The following NAV1 variants were observed in gnomAD, a reference collection of about 807,000 sequenced individuals.
NAV1 encodes pore membrane and/or filament interacting like protein 3.
In NAV1, 18 loss-of-function variants were observed where a neutral mutation model predicts 175.2. The ratio of observed to expected loss-of-function variants is 0.10; its 90% CI spans 0.07 to 0.15. NAV1 has a LOEUF of 0.15. NAV1 is among the 10% of genes least tolerant of loss of function. The pLI is 1.00. For missense variants in NAV1, 1,731 were observed against 2,436.6 expected (o/e 0.71, Z 6.10); for synonymous variants, 897 against 978.7 (o/e 0.92, Z 1.56).
At chr1:201,773,175 G>T (rs1453474028) in intron 3 of NAV1, among the ~76,000 whole-genome samples, 2 of 152,054 alleles carry the variant, frequency 1.3e-5, no homozygotes, top group Non-Finnish European at 2.9e-5. Flanking sequence ...CTACATTAAT[G>T]ATGGCTCATG....
chr1:201,765,185 G>C (rs1473973409), intron 3 of NAV1, among the ~76,000 whole-genome samples: 1 of 152,206 alleles, frequency 6.6e-6, no homozygotes, highest in East Asian at 1.9e-4. Context: ...TCTTGGAGGT[G>C]CCATGTCCCT....
intron 2 of NAV1, among the ~76,000 whole-genome samples, chr1:201,599,195 T>A (rs924930143): frequency 2.0e-5 from 3 of 152,226 alleles, no homozygotes; most frequent in Non-Finnish European, 4.4e-5. Context: ...GGTCACACTC[T>A]CTTTGGATCA....
rs60728080 is a variant in NAV1, at chr1:201,549,461, A to G, written c.-144+10119A>G. Among the ~76,000 whole-genome samples the G allele has an allele frequency of 3.3e-3, 505 of 152,258 alleles. 28 individuals are homozygous for G. In the East Asian group the frequency reaches 0.085, roughly 26 times the overall value. ...TAGGTTCAAGCGATCCACCTGCTTC[A>G]AACTCCCAAAGTTCTGGGATTACAG... On this transcript the variant is annotated intron_variant, in intron 1 of 33. Transcript: ENST00000685211.
chr1:201,641,966 TTCTC>T (rs768012005), intron 2 of NAV1, among the ~76,000 whole-genome samples: 22 of 150,054 alleles, frequency 1.5e-4, no homozygotes, highest in South Asian at 6.5e-4. Flanking sequence ...CTTCCTTCCT[TTCTC>T]TCTCTCTCTT....
At chr1:201,729,102 G>C (rs1672736432) in intron 3 of NAV1, among the ~76,000 whole-genome samples, 1 of 152,180 alleles carries the variant, frequency 6.6e-6, no homozygotes, top group African/African-American at 2.4e-5. Flanking sequence ...CTGTCTACCT[G>C]TCCACTGTCT....
At chr1:201,763,032 G>T (rs1427473504) in intron 3 of NAV1, among the ~76,000 whole-genome samples, 1 of 152,072 alleles carries the variant, frequency 6.6e-6, no homozygotes, top group Non-Finnish European at 1.5e-5. Context: ...ACTATTCTTA[G>T]AGCCTCCTTC....
chr1:201,583,148 C>G (rs1246020250), intron 1 of NAV1, among the ~76,000 whole-genome samples: 1 of 152,268 alleles, frequency 6.6e-6, no homozygotes, highest in Non-Finnish European at 1.5e-5. Context: ...TGGGGCTTGG[C>G]CCATTTGGTG....
intron 1 of NAV1, among the ~76,000 whole-genome samples, chr1:201,543,672 T>C (rs1665583112): frequency 6.6e-6 from 1 of 152,234 alleles, no homozygotes; most frequent in South Asian, 2.1e-4. Flanking sequence ...TAAATATGTA[T>C]AACCTACAAT....
chr1:201,736,377 G>T (rs1673113675), intron 3 of NAV1, among the ~76,000 whole-genome samples: 1 of 152,168 alleles, frequency 6.6e-6, no homozygotes, highest in African/African-American at 2.4e-5. Context: ...ACACCAAACT[G>T]CTTCTCAAGT....
At chr1:201,551,415 G>A (rs1290266452) in intron 1 of NAV1, among the ~76,000 whole-genome samples, 1 of 152,124 alleles carries the variant, frequency 6.6e-6, no homozygotes, top group Non-Finnish European at 1.5e-5. Context: ...TTTTTGTAGA[G>A]ACAAGGTCTT....
At chr1:201,710,526 G>A (rs1472953452) in intron 1 of NAV1, among the ~76,000 whole-genome samples, 2 of 152,158 alleles carry the variant, frequency 1.3e-5, no homozygotes, top group Admixed American at 6.5e-5. Context: ...GGCCTGAAGC[G>A]ATCCTCTGGC....
chr1:201,809,118 G>C (rs1678520136), intron 20 of NAV1, 46 bp from the exon 25 acceptor site: 1 of 1,565,656 alleles, frequency 6.4e-7, no homozygotes, highest in African/African-American at 1.4e-5. Flanking sequence ...TTTAGGAAAG[G>C]CTGCGGGTAC....
intron 3 of NAV1, among the ~76,000 whole-genome samples, chr1:201,735,753 G>A (rs1007004760): frequency 6.6e-6 from 1 of 152,180 alleles, no homozygotes; most frequent in African/African-American, 2.4e-5. Context: ...CTTCTACACA[G>A]AGACTGGAAA....
intron 1 of NAV1, among the ~76,000 whole-genome samples, chr1:201,693,689 C>T (rs997319125): frequency 6.6e-6 from 1 of 151,990 alleles, no homozygotes; most frequent in South Asian, 2.1e-4. Context: ...AGTGCCCCAG[C>T]AGGGACGGTC....
intron 2 of NAV1, among the ~76,000 whole-genome samples, chr1:201,602,728 T>C (rs1427273252): frequency 6.6e-6 from 1 of 151,140 alleles, no homozygotes; most frequent in African/African-American, 2.4e-5. Context: ...AGCCAGGCCT[T>C]CTGCACCCCT....
At chr1:201,556,194 T>A (rs1666004437) in intron 1 of NAV1, among the ~76,000 whole-genome samples, 1 of 152,192 alleles carries the variant, frequency 6.6e-6, no homozygotes, top group African/African-American at 2.4e-5. Flanking sequence ...GGTAGATTGT[T>A]TGAGCCCAGG....
intron 2 of NAV1, among the ~76,000 whole-genome samples, chr1:201,634,288 T>C (rs1231177387): frequency 6.6e-6 from 1 of 152,250 alleles, no homozygotes; most frequent in Non-Finnish European, 1.5e-5. Flanking sequence ...TTGGTGTTAT[T>C]TGTTATTGAG....
At chr1:201,540,181 G>A (rs373457178) in intron 1 of NAV1, among the ~76,000 whole-genome samples, 2 of 152,164 alleles carry the variant, frequency 1.3e-5, no homozygotes, top group East Asian at 3.9e-4. Flanking sequence ...TAGGGGTGAC[G>A]TCCACCCGGC....
At chr1:201,805,232 G>C (rs998986244) in intron 17 of NAV1, among the ~76,000 whole-genome samples, 1 of 152,220 alleles carries the variant, frequency 6.6e-6, no homozygotes. Flanking sequence ...GAAGGCTGCA[G>C]TATTACTGGG....
Sources: allele counts gnomAD v4.1 joint callset (sites outside exome capture counted in the v4.1 genomes callset), GRCh38; gene constraint gnomAD v4.1.1; transcripts MANE v1.5; gene names NCBI Gene and HGNC (gene_info 2026-07-23, HGNC 2026-07-21).